BRWD1: variants seen among roughly 807,000 people sequenced by gnomAD.
The protein encoded by BRWD1 is bromodomain and WD repeat domain containing 1.
BRWD1 carries 82 observed loss-of-function variants against 251.2 expected under a neutral mutation model. That is an observed-to-expected ratio of 0.33 (90% CI 0.27 to 0.39). The LOEUF (loss-of-function observed/expected upper bound fraction) is 0.39. Ranked by LOEUF, BRWD1 falls within the 10% of genes least tolerant of loss-of-function variation. The pLI, the probability that BRWD1 is intolerant of heterozygous loss-of-function variation, is 1.00. For missense variants in BRWD1, 2,233 were observed against 2,711.6 expected (o/e 0.82, Z 3.92); for synonymous variants, 918 against 902.8 (o/e 1.02, Z -0.30).
intron 4 of BRWD1, among the ~76,000 whole-genome samples, chr21:39,306,460 G>A (rs2036292422): frequency 6.6e-6 from 1 of 152,156 alleles, no homozygotes; most frequent in African/African-American, 2.4e-5. Context: ...TAAAGACAGA[G>A]GAGGAAGGAA....
chr21:39,226,364 A>G (rs116631465), intron 27 of BRWD1, among the ~76,000 whole-genome samples: 2,325 of 152,170 alleles, frequency 0.015, 59 homozygotes, highest in African/African-American at 0.053. Flanking sequence ...AAAAATGGGG[A>G]AGCAAAATGA....
rs1193743036 is a variant in BRWD1 at position 39,197,177 on chromosome 21, A to C, written c.5892T>G (p.Pro1964=). Residue 1964 remains proline (P), a synonymous_variant, in exon 41 of 41, where the codon CCT becomes CCG. Transcript: ENST00000342449. Reference sequence around the variant, plus strand: ...TAGCTGTAGTACAAGCAAGATGGAGAGGTTTTTTCCTTCCATTTTTGCTTC... The same window carrying C: ...TAGCTGTAGTACAAGCAAGATGGAGCGGTTTTTTCCTTCCATTTTTGCTTC... The part of the protein sequence containing the change: ...HTRSKNGRKK[P]LHLACTTAKK... The C allele has an allele frequency of 6.2e-7, 1 of 1,614,086 alleles. No homozygotes were observed. The highest frequency in any genetic ancestry group is 8.5e-7 in the Non-Finnish European group (1 of 1,179,956).
intron 4 of BRWD1, among the ~76,000 whole-genome samples, chr21:39,312,290 AAGG>A (rs954316818): frequency 1.3e-5 from 2 of 152,276 alleles, no homozygotes; most frequent in Non-Finnish European, 2.9e-5. Context: ...GTACAGTAGA[AAGG>A]AGCACAAGCA....
upstream of BRWD1, chr21:39,314,635 C>T: frequency 9.0e-6 from 3 of 335,014 alleles, no homozygotes; most frequent in South Asian, 4.6e-5. Context: ...CCAGCCTGCC[C>T]TGCTCTGGCC....
rs34428135 is a variant in BRWD1 at position 39,281,872 on chromosome 21, C to CAAAA, written c.832-1628_832-1625dup. On this transcript the variant is annotated intron_variant, in intron 8 of 40. Coordinates refer to ENST00000342449, the MANE Select transcript of BRWD1 (RefSeq NM_033656.4). ...AACACAGCAAGACTCCTTCACCTAC[C>CAAAA]AAAAAAAATATATATATATATGTAT... Among the ~76,000 whole-genome samples the CAAAA allele has an allele frequency of 9.9e-4, 103 of 104,168 alleles. 1 individual carries two copies. Among genetic ancestry groups the CAAAA allele is most frequent in the African/African-American group, 4.1e-3 (102 of 24,590 alleles). 68.3% of individuals were successfully genotyped at this position (104,168 alleles called of 152,430 possible).
At chr21:39,221,664 C>T (rs1324720620) in intron 29 of BRWD1, among the ~76,000 whole-genome samples, 1 of 152,090 alleles carries the variant, frequency 6.6e-6, no homozygotes, top group Non-Finnish European at 1.5e-5. Flanking sequence ...AGCCAGGCTC[C>T]GTGGCTCACG....
At chr21:39,239,036 C>A (rs1364508060) in intron 21 of BRWD1, among the ~76,000 whole-genome samples, 7 of 151,914 alleles carry the variant, frequency 4.6e-5, no homozygotes, top group African/African-American at 1.7e-4. Context: ...AATTAGGCTG[C>A]CTTCTTATTG....
chr21:39,201,068 T>A lies in BRWD1; in HGVS notation c.4586-682A>T, dbSNP rs568489800. On this transcript the variant is annotated intron_variant, in intron 38 of 40. Coordinates refer to ENST00000342449, the MANE Select transcript of BRWD1 (RefSeq NM_033656.4). ...GGTATTTCATATAAAAAAGACACCATCATTTCAATTCCAGCATTTCAGAAG... is the reference window on the plus strand; with the variant it reads ...GGTATTTCATATAAAAAAGACACCAACATTTCAATTCCAGCATTTCAGAAG... 3.3e-5 allele frequency among the ~76,000 whole-genome samples: 5 copies of A among 152,338 alleles called. No individual in the cohort carries two copies. The East Asian group carries it at 7.7e-4, about 23-fold the overall frequency.
chr21:39,252,101 T>A (rs1348782530), intron 19 of BRWD1, among the ~76,000 whole-genome samples: 1 of 151,896 alleles, frequency 6.6e-6, no homozygotes, highest in Admixed American at 6.6e-5. Flanking sequence ...ACCCCGTCTC[T>A]ACTAAAAATA....
chr21:39,304,524 G>A (rs1211090439), intron 4 of BRWD1, among the ~76,000 whole-genome samples: 3 of 151,960 alleles, frequency 2.0e-5, no homozygotes, highest in African/African-American at 7.3e-5. Flanking sequence ...TGAGGCAGGA[G>A]GATCCCTTGA....
In BRWD1 at chr21:39,194,126, T is replaced by C. The variant is rs1601227649; in HGVS notation, c.*2133A>G. 1.0e-6 allele frequency: 1 copy of C among 985,322 alleles called. No individual in the cohort carries two copies. Among genetic ancestry groups the C allele is most frequent in the Non-Finnish European group, 1.2e-6 (1 of 829,800 alleles). The allele number at this position is 985,322 out of a possible 1,614,324, so 61.0% of individuals were successfully genotyped here. On this transcript the variant is annotated 3_prime_UTR_variant, in exon 41 of 41. Transcript: ENST00000342449. ...TTTGGACTGAAAGAAAAAATGGTAA[T>C]TGGATGGCCAGTCAATGACCAATTA...
chr21:39,305,148 C>T (rs971190021), intron 4 of BRWD1, among the ~76,000 whole-genome samples: 3 of 151,896 alleles, frequency 2.0e-5, no homozygotes, highest in African/African-American at 2.4e-5. Flanking sequence ...ATAGTAGAGA[C>T]GGGTTTCACA....
intron 13 of BRWD1, among the ~76,000 whole-genome samples, chr21:39,271,205 T>A (rs1285681206): frequency 6.6e-6 from 1 of 152,024 alleles, no homozygotes; most frequent in Non-Finnish European, 1.5e-5. Context: ...GGCAGGAGAA[T>A]CATTGGAACC....
At chr21:39,281,144 G>A (rs2035444463) in intron 8 of BRWD1, among the ~76,000 whole-genome samples, 1 of 152,132 alleles carries the variant, frequency 6.6e-6, no homozygotes. Flanking sequence ...GCGGCAATGG[G>A]GTAAATGAAT....
At chr21:39,248,264 T>A (rs1260979090) in intron 20 of BRWD1, among the ~76,000 whole-genome samples, 1 of 151,946 alleles carries the variant, frequency 6.6e-6, no homozygotes, top group Non-Finnish European at 1.5e-5. Context: ...ATTAGAGAAA[T>A]GCAAATCAAA....
At chr21:39,235,876 T>C (rs1263157884) in intron 23 of BRWD1, 1 of 167,368 alleles carries the variant, frequency 6.0e-6, no homozygotes, top group Non-Finnish European at 1.3e-5. Context: ...GAGAGAACCA[T>C]GGCCACATCC....
At position 39,193,331 on chromosome 21, in the gene BRWD1, T is replaced by A. The variant is rs972297959; in HGVS notation, c.*2928A>T. On this transcript the variant is annotated 3_prime_UTR_variant, in exon 41 of 41. Transcript: ENST00000342449. ...ATTTGCCACTTACAAAAAGGGAGGC[T>A]GACCTTAGGAATTATTTGAATATGG... 1 of 985,008 alleles carries A rather than the reference T, an allele frequency of 1.0e-6. No homozygotes were observed. Among genetic ancestry groups the A allele is most frequent in the African/African-American group, 1.7e-5 (1 of 57,218 alleles). 61.0% of individuals were successfully genotyped at this position (985,008 alleles called of 1,614,324 possible).
At chr21:39,307,792 T>C (rs953341402) in intron 4 of BRWD1, among the ~76,000 whole-genome samples, 18 of 152,352 alleles carry the variant, frequency 1.2e-4, no homozygotes, top group Non-Finnish European at 1.6e-4. Context: ...AATCCCATTA[T>C]CATTTAATTT....
chr21:39,209,916 T>C, intron 36 of BRWD1, 79 bp downstream of exon 36: 3 of 1,407,424 alleles, frequency 2.1e-6, no homozygotes, highest in Non-Finnish European at 2.9e-6. Context: ...AAAATTACAC[T>C]GGAAAAAATT....
Sources: gnomAD v4.1 joint callset for allele counts (sites outside exome capture counted in the v4.1 genomes callset) on GRCh38, gnomAD v4.1.1 for gene constraint, MANE v1.5 for transcripts, NCBI Gene and HGNC (gene_info 2026-07-23, HGNC 2026-07-21) for gene names.